Variants in CREB5 observed in about 807,000 individuals in gnomAD.
CREB5 encodes the protein cyclic AMP-responsive element-binding protein 5.
CREB5 carries 19 observed loss-of-function variants against 57.1 expected under a neutral mutation model. The observed-to-expected ratio is 0.33, with a 90% confidence interval of 0.23 to 0.49. CREB5 has a LOEUF of 0.49. CREB5 is among the 20% of genes least tolerant of loss of function. The pLI is 0.99. For synonymous variants in CREB5, 238 were observed against 238.3 expected (o/e 1.00, Z 0.01); for missense variants, 579 against 671.6 (o/e 0.86, Z 1.52).
At chr7:28,788,714 T>C (rs1807479180) in intron 7 of CREB5, among the ~76,000 whole-genome samples, 1 of 152,108 alleles carries the variant, frequency 6.6e-6, no homozygotes, top group Admixed American at 6.5e-5. Flanking sequence ...TGATTCTTAT[T>C]CTACAGGAGG....
intron 5 of CREB5, among the ~76,000 whole-genome samples, chr7:28,682,834 A>G (rs1202623789): frequency 6.6e-6 from 1 of 152,216 alleles, no homozygotes; most frequent in Non-Finnish European, 1.5e-5. Flanking sequence ...CATCCCTGCA[A>G]TCCAAGTTGT....
intron 9 of CREB5, among the ~76,000 whole-genome samples, chr7:28,813,304 A>G (rs1449109603): frequency 2.0e-5 from 3 of 152,194 alleles, no homozygotes; most frequent in African/African-American, 4.8e-5. Context: ...CTCTAAATTC[A>G]TCGACTGCTG....
intron 1 of CREB5, among the ~76,000 whole-genome samples, chr7:28,454,808 T>C (rs1790016536): frequency 6.6e-6 from 1 of 152,170 alleles, no homozygotes; most frequent in Non-Finnish European, 1.5e-5. Context: ...GAACAGTAAC[T>C]TCATCACTTG....
intron 1 of CREB5, among the ~76,000 whole-genome samples, chr7:28,322,883 C>G (rs1785517462): frequency 6.6e-6 from 1 of 151,886 alleles, no homozygotes; most frequent in Non-Finnish European, 1.5e-5. Context: ...TGTAACTGGC[C>G]TCTCAGTTCT....
intron 5 of CREB5, among the ~76,000 whole-genome samples, chr7:28,616,237 G>C (rs1797592417): frequency 6.6e-6 from 1 of 152,118 alleles, no homozygotes; most frequent in Non-Finnish European, 1.5e-5. Context: ...CCAATGGTTG[G>C]CTTGTTTTTC....
At chr7:28,801,663 G>A (rs1252880870) in intron 7 of CREB5, among the ~76,000 whole-genome samples, 3 of 152,058 alleles carry the variant, frequency 2.0e-5, no homozygotes, top group African/African-American at 4.8e-5. Context: ...TATAAACAAC[G>A]CATTTGGCTT....
At chr7:28,639,843 A>G (rs41315) in intron 5 of CREB5, among the ~76,000 whole-genome samples, 103,228 of 152,058 alleles carry the variant, frequency 0.68, 35,902 homozygotes, top group African/African-American at 0.83. Flanking sequence ...AGTGAAAATC[A>G]ATGCCACAAA....
At chr7:28,671,073 G>A (rs929722968) in intron 5 of CREB5, among the ~76,000 whole-genome samples, 8 of 151,998 alleles carry the variant, frequency 5.3e-5, no homozygotes, top group African/African-American at 1.9e-4. Flanking sequence ...AGACTAGCCT[G>A]GGAAACATAG....
At chr7:28,319,466 G>A (rs957941006) in intron 1 of CREB5, among the ~76,000 whole-genome samples, 1 of 152,160 alleles carries the variant, frequency 6.6e-6, no homozygotes, top group Non-Finnish European at 1.5e-5. Flanking sequence ...ATTCCTAGTG[G>A]AAGTATTTTC....
At chr7:28,641,953 T>C (rs1389375953) in intron 5 of CREB5, among the ~76,000 whole-genome samples, 1 of 152,212 alleles carries the variant, frequency 6.6e-6, no homozygotes, top group Non-Finnish European at 1.5e-5. Flanking sequence ...TATGTGCTCC[T>C]GTGTGTGCAC....
intron 1 of CREB5, among the ~76,000 whole-genome samples, chr7:28,466,551 C>T (rs1433312107): frequency 6.6e-6 from 1 of 152,128 alleles, no homozygotes; most frequent in Non-Finnish European, 1.5e-5. Context: ...ATCTGAGTTG[C>T]CTTCTCTTCC....
intron 4 of CREB5, among the ~76,000 whole-genome samples, chr7:28,515,705 C>T (rs1270098225): frequency 6.6e-6 from 1 of 152,112 alleles, no homozygotes; most frequent in African/African-American, 2.4e-5. Context: ...CTCAGATCTT[C>T]CCTTTATTTT....
chr7:28,398,958 C>A (rs1455563278), intron 1 of CREB5, among the ~76,000 whole-genome samples: 2 of 152,200 alleles, frequency 1.3e-5, no homozygotes, highest in African/African-American at 4.8e-5. Flanking sequence ...TCAAGCAATT[C>A]TCCTGCCTTG....
chr7:28,308,711 C>A (rs1305139143), intron 1 of CREB5, among the ~76,000 whole-genome samples: 1 of 152,206 alleles, frequency 6.6e-6, no homozygotes, highest in Non-Finnish European at 1.5e-5. Flanking sequence ...TGGTCTCATC[C>A]TTTCTTGCCC....
At position 28,703,161 on chromosome 7, in the gene CREB5, GA is replaced by G. The variant is rs532307588; in HGVS notation, c.465-15591del. Among the ~76,000 whole-genome samples, 386 of 152,310 alleles carry G rather than the reference GA, an allele frequency of 2.5e-3. 3 individuals carry two copies. Among genetic ancestry groups the G allele is most frequent in the South Asian group, 0.01 (50 of 4,822 alleles). ...CATTCTGGCTACAAGACAGAGTTTGGATAGAAGAAGAGCAAAACTGGAGTCA... is the reference window on the plus strand; with the variant it reads ...CATTCTGGCTACAAGACAGAGTTTGGTAGAAGAAGAGCAAAACTGGAGTCA... On this transcript the variant is annotated intron_variant, in intron 5 of 10. Transcript: ENST00000357727.
At chr7:28,413,986 A>G (rs889009822) in intron 1 of CREB5, among the ~76,000 whole-genome samples, 7 of 151,742 alleles carry the variant, frequency 4.6e-5, no homozygotes, top group African/African-American at 1.7e-4. Flanking sequence ...TTTTCTTGTC[A>G]TTGGAGTTTA....
intron 5 of CREB5, among the ~76,000 whole-genome samples, chr7:28,666,937 A>G (rs981812417): frequency 9.3e-5 from 11 of 117,932 alleles, no homozygotes; most frequent in Non-Finnish European, 1.2e-4. Context: ...CTTTCTTAGG[A>G]AAAAAAAAAA....
chr7:28,655,748 G>T (rs556029334), intron 5 of CREB5, among the ~76,000 whole-genome samples: 3 of 152,262 alleles, frequency 2.0e-5, no homozygotes, highest in African/African-American at 7.2e-5. Flanking sequence ...AAAGGTTTCT[G>T]TTAGTCGTGT....
chr7:28,483,547 G>A (rs1791426363), intron 1 of CREB5, among the ~76,000 whole-genome samples: 1 of 152,100 alleles, frequency 6.6e-6, no homozygotes, highest in Admixed American at 6.6e-5. Flanking sequence ...TTTTGGAAAA[G>A]AGGAACAAAA....
Sources: allele counts gnomAD v4.1 joint callset (sites outside exome capture counted in the v4.1 genomes callset), GRCh38; gene constraint gnomAD v4.1.1; transcripts MANE v1.5; gene names NCBI Gene and HGNC (gene_info 2026-07-23, HGNC 2026-07-21).